Variants in ZPBP observed in about 807,000 individuals in gnomAD.
ZPBP encodes zona pellucida binding protein.
Under a neutral mutation model 44.8 loss-of-function variants are expected in ZPBP, and 26 were observed. That is an observed-to-expected ratio of 0.58 (90% CI 0.43 to 0.81). ZPBP has a LOEUF of 0.81. Among genes scored for constraint, ZPBP ranks in the 30% least tolerant of loss-of-function variants. The pLI, the probability that ZPBP is intolerant of heterozygous loss-of-function variation, is 0.00. For missense variants in ZPBP, 409 were observed against 434.0 expected, an observed-to-expected ratio of 0.94 and a Z score of 0.51; for synonymous variants, 174 against 153.2, an observed-to-expected ratio of 1.14 and a Z score of -1.00.
chr7:49,845,250 C>T, the ZPBP span, among the ~76,000 whole-genome samples: 1 of 151,438 alleles, frequency 6.6e-6, no homozygotes, highest in Non-Finnish European at 1.5e-5. Context: ...ATGTAACAAA[C>T]CTGCATACAC....
At chr7:49,927,017 G>A (rs1279114057) in intron 1 of ZPBP, among the ~76,000 whole-genome samples, 1 of 152,222 alleles carries the variant, frequency 6.6e-6, no homozygotes, top group African/African-American at 2.4e-5. Flanking sequence ...CCACTGGTCA[G>A]TGACTCCTTA....
intron 2 of ZPBP, among the ~76,000 whole-genome samples, chr7:49,887,050 C>T (rs523562): frequency 0.033 from 4,967 of 152,126 alleles, 294 homozygotes; most frequent in African/African-American, 0.11. Flanking sequence ...TTTAAACCAT[C>T]GCAATTCCTC....
chr7:49,871,729 A>G (rs1432959339), intron 2 of ZPBP, among the ~76,000 whole-genome samples: 1 of 152,072 alleles, frequency 6.6e-6, no homozygotes, highest in Non-Finnish European at 1.5e-5. Context: ...GTAAGGAAAA[A>G]AATCAAAACA....
At chr7:49,933,078 GT>G (rs374163980), downstream of ZPBP, among the ~76,000 whole-genome samples, 233 of 152,102 alleles carry the variant, frequency 1.5e-3, 3 homozygotes, top group African/African-American at 5.4e-3. Context: ...CCATATTATA[GT>G]TTTTTTGCTG....
chr7:49,854,207 T>C (rs1394359077), intron 2 of ZPBP, among the ~76,000 whole-genome samples: 1 of 152,254 alleles, frequency 6.6e-6, no homozygotes, highest in Non-Finnish European at 1.5e-5. Flanking sequence ...CAGCATGATT[T>C]ATAATCCTTT....
intron 2 of ZPBP, among the ~76,000 whole-genome samples, chr7:49,854,182 C>T (rs2128717717): frequency 6.6e-6 from 1 of 152,248 alleles, no homozygotes; most frequent in East Asian, 1.9e-4. Flanking sequence ...CATACATGTG[C>T]ACGTGTCTTT....
intron 2 of ZPBP, among the ~76,000 whole-genome samples, chr7:49,893,537 A>G (rs1562757160): frequency 6.6e-6 from 1 of 152,224 alleles, no homozygotes; most frequent in Admixed American, 6.5e-5. Flanking sequence ...CCTTACTAGG[A>G]AAACACACAT....
At chr7:50,061,371 A>T (rs1192278862) in intron 3 of ZPBP, among the ~76,000 whole-genome samples, 1 of 152,148 alleles carries the variant, frequency 6.6e-6, no homozygotes, top group Non-Finnish European at 1.5e-5. Flanking sequence ...ACTTCAAATT[A>T]TCTGCCTTCA....
chr7:49,955,652 T>C (rs987947821), intron 7 of ZPBP, among the ~76,000 whole-genome samples: 4 of 151,940 alleles, frequency 2.6e-5, no homozygotes, highest in South Asian at 2.1e-4. Flanking sequence ...ATTAATGAAA[T>C]AGAAATCAGA....
At chr7:49,873,777 T>C (rs1353969829) in intron 2 of ZPBP, among the ~76,000 whole-genome samples, 1 of 152,018 alleles carries the variant, frequency 6.6e-6, no homozygotes, top group Non-Finnish European at 1.5e-5. Context: ...AAATACAAAA[T>C]AGAAACAGGC....
intron 5 of ZPBP, among the ~76,000 whole-genome samples, chr7:50,030,658 T>C (rs1006734859): frequency 6.6e-6 from 1 of 151,844 alleles, no homozygotes; most frequent in Non-Finnish European, 1.5e-5. Flanking sequence ...TAAAGATAAA[T>C]ATAAAGATAT....
intron 1 of ZPBP, among the ~76,000 whole-genome samples, chr7:50,090,574 T>A (rs933105246): frequency 1.3e-5 from 2 of 151,596 alleles, no homozygotes; most frequent in Admixed American, 6.6e-5. Context: ...TATATGTGTA[T>A]ATATTTGTGT....
intron 7 of ZPBP, chr7:49,943,793 A>C (rs1168438198): frequency 4.1e-6 from 1 of 243,474 alleles, no homozygotes; most frequent in Non-Finnish European, 8.0e-6. Context: ...CATCTGGTGA[A>C]TCTATAACCC....
intron 7 of ZPBP, among the ~76,000 whole-genome samples, chr7:49,971,045 A>AC (rs1796285460): frequency 2.0e-5 from 3 of 151,864 alleles, no homozygotes; most frequent in Admixed American, 1.3e-4. Flanking sequence ...CCCCATATCA[A>AC]TAAAAAAATT....
chr7:49,903,456 C>A lies in ZPBP; in HGVS notation n.412-2241G>T, dbSNP rs374282915. ...CCACAACTTGGATAGATCTCAAAGGCTTTATGCTGAGTTTTAAAAGCCAAT... is the reference window on the plus strand; with the variant it reads ...CCACAACTTGGATAGATCTCAAAGGATTTATGCTGAGTTTTAAAAGCCAAT... On this transcript the variant is annotated intron_variant and non_coding_transcript_variant, in intron 1 of 2. Transcript: ENST00000465922. Among the ~76,000 whole-genome samples the A allele has an allele frequency of 1.5e-3, 229 of 152,216 alleles. 3 individuals carry two copies. The highest frequency in any genetic ancestry group is 5.3e-3 in the African/African-American group (219 of 41,536).
intron 7 of ZPBP, among the ~76,000 whole-genome samples, chr7:49,974,476 T>C (rs2128772098): frequency 6.6e-6 from 1 of 152,214 alleles, no homozygotes; most frequent in East Asian, 1.9e-4. Context: ...ACAGAAACTA[T>C]AATGGTGAAA....
intron 3 of ZPBP, among the ~76,000 whole-genome samples, chr7:50,078,975 AAGAG>A (rs1167739468): frequency 1.3e-5 from 2 of 151,482 alleles, no homozygotes; most frequent in African/African-American, 4.8e-5. Flanking sequence ...CATAACTAGT[AAGAG>A]AGAACAAAAA....
intron 4 of ZPBP, among the ~76,000 whole-genome samples, chr7:50,033,215 A>C (rs1799680673): frequency 6.6e-6 from 1 of 152,132 alleles, no homozygotes; most frequent in Non-Finnish European, 1.5e-5. Flanking sequence ...ACTAACCATA[A>C]ATATTTTTAA....
chr7:49,905,215 C>T (rs1266761494), intron 1 of ZPBP, among the ~76,000 whole-genome samples: 1 of 152,162 alleles, frequency 6.6e-6, no homozygotes, highest in Non-Finnish European at 1.5e-5. Context: ...GCATATTCAA[C>T]ATGGGCAGTT....
Sources: allele counts gnomAD v4.1 joint callset (sites outside exome capture counted in the v4.1 genomes callset), GRCh38; gene constraint gnomAD v4.1.1; transcripts MANE v1.5; gene names NCBI Gene and HGNC (gene_info 2026-07-23, HGNC 2026-07-21).